KCNQ1: variants seen among roughly 807,000 people sequenced by gnomAD.
The protein encoded by KCNQ1 is potassium voltage-gated channel subfamily Q member 1.
KCNQ1 carries 49 observed loss-of-function variants against 72.4 expected under a neutral mutation model. The ratio of observed to expected loss-of-function variants is 0.68; its 90% CI spans 0.54 to 0.86. KCNQ1 has a LOEUF of 0.86. Ranked by LOEUF, KCNQ1 falls within the 40% of genes least tolerant of loss-of-function variation. KCNQ1 has a pLI of 0.00. For synonymous variants in KCNQ1, 450 were observed against 412.6 expected, an observed-to-expected ratio of 1.09 and a Z score of -1.10; for missense variants, 790 against 945.1, an observed-to-expected ratio of 0.84 and a Z score of 2.15.
chr11:2,680,206 T>TAAAA (rs139249507), intron 11 of KCNQ1: 2 of 362,332 alleles, frequency 5.5e-6, no homozygotes, highest in African/African-American at 2.4e-5. Context: ...CTTGCCTAAT[T>TAAAA]AAAAAAAAAA....
chr11:2,618,498 T>C (rs1849107317), intron 10 of KCNQ1: 3 of 398,582 alleles, frequency 7.5e-6, no homozygotes, highest in East Asian at 3.6e-5. Context: ...TTGTGGAAAA[T>C]TGGTTGATCA....
intron 15 of KCNQ1, among the ~76,000 whole-genome samples, chr11:2,802,973 G>A (rs1168276143): frequency 1.3e-5 from 2 of 152,222 alleles, no homozygotes; most frequent in Non-Finnish European, 2.9e-5. Context: ...CCACCACAGG[G>A]CAACCCCTCA....
intron 10 of KCNQ1, chr11:2,629,828 G>A (rs1301841419): frequency 5.0e-6 from 2 of 397,180 alleles, no homozygotes; most frequent in East Asian, 3.6e-5. Context: ...TTTTTTTGTG[G>A]AGTCTGTAGC....
intron 12 of KCNQ1, among the ~76,000 whole-genome samples, chr11:2,773,723 T>C (rs1846641068): frequency 9.0e-6 from 1 of 111,382 alleles, no homozygotes; most frequent in African/African-American, 3.4e-5. Flanking sequence ...TGTCCCATCT[T>C]CCAAAAGGGA....
Position 2,734,969 on chromosome 11 carries a change from C to T in KCNQ1, c.1515-33875C>T, listed in dbSNP as rs548731803. Among the ~76,000 whole-genome samples the T allele has an allele frequency of 6.6e-5, 10 of 152,156 alleles. No individual in the cohort carries two copies. Among genetic ancestry groups the T allele is most frequent in the African/African-American group, 1.9e-4 (8 of 41,516 alleles). ...CGACACATGTGCCCCGGAGTGGCCG[C>T]GTGCCCAGCCGGCTGTGCACGCTGC... is the stretch of plus-strand genomic sequence containing the variant. On this transcript the variant is annotated intron_variant, in intron 11 of 15. Coordinates refer to ENST00000155840, the MANE Select transcript of KCNQ1 (RefSeq NM_000218.3). The surrounding 1 kb of genome is among the most constrained non-coding windows in gnomAD (Gnocchi z 7.0).
At chr11:2,582,177 T>C (rs961685114) in intron 6 of KCNQ1, among the ~76,000 whole-genome samples, 4 of 152,196 alleles carry the variant, frequency 2.6e-5, no homozygotes, top group African/African-American at 9.6e-5. Context: ...CCGAGCCTCC[T>C]GCTGTGGCAG....
rs1295372530 is a variant in KCNQ1 at position 2,567,564 on chromosome 11, C to T, written c.478-3064C>T. ...GATGGTGGTGGAGATAGTTTTATCT[C>T]TGAGCAAACATTCCATCTTGCTGTT... On this transcript the variant is annotated intron_variant, in intron 2 of 15. Transcript: ENST00000155840. The surrounding 1 kb of genome is among the most constrained non-coding windows in gnomAD (Gnocchi z 6.6). Among the ~76,000 whole-genome samples the T allele has an allele frequency of 1.3e-5, 2 of 152,194 alleles. No homozygotes were observed. Among genetic ancestry groups the T allele is most frequent in the East Asian group, 1.9e-4 (1 of 5,194 alleles).
chr11:2,821,860 G>A (rs1036365358), intron 15 of KCNQ1, among the ~76,000 whole-genome samples: 2 of 152,176 alleles, frequency 1.3e-5, no homozygotes, highest in African/African-American at 4.8e-5. Context: ...AAGTGTGTGT[G>A]AGCTCTGTAG....
intron 9 of KCNQ1, among the ~76,000 whole-genome samples, chr11:2,587,949 G>C (rs1338100094): frequency 6.6e-6 from 1 of 152,156 alleles, no homozygotes. Context: ...AGAGCTCTGG[G>C]AGCAGGACGG....
At chr11:2,692,037 C>T in intron 11 of KCNQ1, 1 of 398,718 alleles carries the variant, frequency 2.5e-6, no homozygotes, top group Non-Finnish European at 4.4e-6. Context: ...AGGCCCTGAC[C>T]CCCCAAATGT....
In KCNQ1 at chr11:2,659,886, G is replaced by T. The variant is rs1316499545; in HGVS notation, c.1394-2075G>T. Reference sequence around the variant, plus strand: ...TATTTATAATCCATTTTTAAAATTGGATTGTTCACTTTATTGTCAAGTTGT... The same window carrying T: ...TATTTATAATCCATTTTTAAAATTGTATTGTTCACTTTATTGTCAAGTTGT... On this transcript the variant is annotated intron_variant, in intron 10 of 15. Transcript: ENST00000155840. This position sits in a 1 kb window ranked among gnomAD's most constrained non-coding sequence, Gnocchi z 4.3. 2 of 398,012 alleles carry T rather than the reference G, an allele frequency of 5.0e-6. No homozygotes were observed. The highest frequency in any genetic ancestry group is 4.1e-5 in the African/African-American group (2 of 48,522). 24.7% of individuals were successfully genotyped at this position (398,012 alleles called of 1,614,324 possible).
At position 2,617,029 on chromosome 11, in the gene KCNQ1, A is replaced by G. The variant is rs1388313896; in HGVS notation, c.1393+28175A>G. On this transcript the variant is annotated intron_variant, in intron 10 of 15. Transcript: ENST00000155840. The surrounding 1 kb of genome is among the most constrained non-coding windows in gnomAD (Gnocchi z 4.6). ...TAAAACATACAGTTAAATCGTTAAC[A>G]TAGTGATGCAAATTAATATGTCCAT... is the stretch of plus-strand genomic sequence containing the variant. 1.0e-5 allele frequency: 4 copies of G among 398,104 alleles called. No individual in the cohort carries two copies. The Admixed American group carries it at 1.8e-4, about 18-fold the overall frequency. 24.7% of individuals were successfully genotyped at this position (398,104 alleles called of 1,614,324 possible). A position where few individuals can be genotyped will look rare whatever the true frequency, so the allele number is the denominator to read the frequency against.
Position 2,585,316 on chromosome 11 carries a change from C to A in KCNQ1, c.1128+9C>A. On this transcript the variant is annotated intron_variant, in intron 8 of 15. Coordinates refer to ENST00000155840, the MANE Select transcript of KCNQ1 (RefSeq NM_000218.3). ...CAGCCTCACTCATTCAGGTGCGGTG[C>A]CTGCAAGGCCCTGGTCACTGTCATT... The A allele has an allele frequency of 6.2e-7, 1 of 1,609,582 alleles. No homozygotes were observed. The highest frequency in any genetic ancestry group is 2.2e-5 in the East Asian group (1 of 44,862).
At chr11:2,699,643 C>CCGCGCCGAAGAACCTCCGGGTAG (rs1267456013) in intron 11 of KCNQ1, 1 of 364,698 alleles carries the variant, frequency 2.7e-6, no homozygotes, top group African/African-American at 2.5e-5. Flanking sequence ...CCCCCGGGGA[C>CCGCGCCGAAGAACCTCCGGGTAG]AACCGCGCCG....
At chr11:2,747,909 G>C (rs141106954) in intron 11 of KCNQ1, among the ~76,000 whole-genome samples, 1 of 152,126 alleles carries the variant, frequency 6.6e-6, no homozygotes. Flanking sequence ...GATGGGGAGC[G>C]ATAAGGGCTG....
intron 15 of KCNQ1, among the ~76,000 whole-genome samples, chr11:2,829,094 A>G (rs1445390196): frequency 6.6e-6 from 1 of 152,244 alleles, no homozygotes; most frequent in African/African-American, 2.4e-5. Flanking sequence ...TATCTACCAC[A>G]TGCCTTTTCT....
intron 10 of KCNQ1, chr11:2,644,094 A>G (rs1590001239): frequency 1.0e-5 from 4 of 398,512 alleles, no homozygotes; most frequent in Non-Finnish European, 1.8e-5. Context: ...TCTGAATTGT[A>G]TCTATTTAGG....
intron 6 of KCNQ1, among the ~76,000 whole-genome samples, chr11:2,577,354 C>A (rs1848437379): frequency 6.6e-6 from 1 of 152,216 alleles, no homozygotes; most frequent in Non-Finnish European, 1.5e-5. Context: ...GGCCCAGGAG[C>A]AGGGAGGCCT....
At chr11:2,614,110 C>T in intron 10 of KCNQ1, 1 of 398,484 alleles carries the variant, frequency 2.5e-6, no homozygotes, top group Non-Finnish European at 4.4e-6. Flanking sequence ...CTATGCTCAC[C>T]ATTCTTTGGC....
Sources: gnomAD v4.1 joint callset for allele counts (sites outside exome capture counted in the v4.1 genomes callset) on GRCh38, gnomAD v4.1.1 for gene constraint, Gnocchi (gnomAD v3.1) non-coding constraint, MANE v1.5 for transcripts, NCBI Gene and HGNC (gene_info 2026-07-23, HGNC 2026-07-21) for gene names.